Variants in KCNIP4 observed in about 807,000 individuals in gnomAD.
KCNIP4 encodes Kv channel-interacting protein 4.
In KCNIP4, 12 loss-of-function variants were observed where a neutral mutation model predicts 34.0. The ratio of observed to expected loss-of-function variants is 0.35; its 90% CI spans 0.23 to 0.57. The LOEUF (loss-of-function observed/expected upper bound fraction) is 0.57, where lower values mean the gene tolerates loss of function less well. Among genes scored for constraint, KCNIP4 ranks in the 20% least tolerant of loss-of-function variants. KCNIP4 has a pLI of 0.83. For synonymous variants in KCNIP4, 124 were observed against 102.2 expected, an observed-to-expected ratio of 1.21 and a Z score of -1.29; for missense variants, 238 against 311.7, an observed-to-expected ratio of 0.76 and a Z score of 1.78.
At chr4:21,794,360 G>C (rs1321452374) in intron 1 of KCNIP4, among the ~76,000 whole-genome samples, 1 of 151,996 alleles carries the variant, frequency 6.6e-6, no homozygotes, top group Non-Finnish European at 1.5e-5. Context: ...TCCTGTCAGG[G>C]GCCACTTACT....
chr4:21,145,159 C>T (rs1752259730), intron 1 of KCNIP4, among the ~76,000 whole-genome samples: 1 of 152,168 alleles, frequency 6.6e-6, no homozygotes, highest in African/African-American at 2.4e-5. Flanking sequence ...CCCTTCCCCG[C>T]TCTAAACTCC....
intron 1 of KCNIP4, among the ~76,000 whole-genome samples, chr4:21,720,197 C>A (rs1714705867): frequency 6.6e-6 from 1 of 151,952 alleles, no homozygotes; most frequent in Non-Finnish European, 1.5e-5. Flanking sequence ...TCTCTCTTAC[C>A]CTCAGGAAGT....
intron 1 of KCNIP4, among the ~76,000 whole-genome samples, chr4:21,775,092 T>G (rs748218941): frequency 1.2e-4 from 19 of 152,122 alleles, no homozygotes; most frequent in Non-Finnish European, 2.4e-4. Flanking sequence ...GTTTGTCTAG[T>G]TTTGGTCTTT....
chr4:21,111,017 T>C (rs1309194262), intron 1 of KCNIP4, among the ~76,000 whole-genome samples: 1 of 152,234 alleles, frequency 6.6e-6, no homozygotes, highest in Non-Finnish European at 1.5e-5. Flanking sequence ...TTTCTCTCTA[T>C]ACAAATTTAA....
Position 20,926,968 on chromosome 4 carries a change from T to C in KCNIP4, c.62-44259A>G, listed in dbSNP as rs150930765. Among the ~76,000 whole-genome samples, 36 of 152,296 alleles carry C rather than the reference T, an allele frequency of 2.4e-4. No homozygotes were observed. In the East Asian group the frequency reaches 6.7e-3, roughly 29 times the overall value. On this transcript the variant is annotated intron_variant, in intron 1 of 8. Transcript: ENST00000382152. ...ATCATGAAATCTTATTGTAATTTTCTTTCTTTCTTTCTGTTCTTTTTTTGA... is the reference window on the plus strand; with the variant it reads ...ATCATGAAATCTTATTGTAATTTTCCTTCTTTCTTTCTGTTCTTTTTTTGA...
chr4:21,231,962 C>T (rs1456183374), intron 1 of KCNIP4, among the ~76,000 whole-genome samples: 1 of 152,010 alleles, frequency 6.6e-6, no homozygotes, highest in Non-Finnish European at 1.5e-5. Flanking sequence ...GGAAGCTGGC[C>T]GATAGACAAG....
intron 1 of KCNIP4, among the ~76,000 whole-genome samples, chr4:21,636,234 T>C (rs1402488922): frequency 6.7e-6 from 1 of 150,150 alleles, no homozygotes. Context: ...GGCACATGTA[T>C]ACATATGTAA....
chr4:20,801,737 TACC>T (rs1361557631), intron 3 of KCNIP4, among the ~76,000 whole-genome samples: 1 of 151,950 alleles, frequency 6.6e-6, no homozygotes, highest in African/African-American at 2.4e-5. Context: ...CAGAAAATTA[TACC>T]ACAATGATAG....
intron 1 of KCNIP4, among the ~76,000 whole-genome samples, chr4:21,380,709 TAGATTAACTACTTAC>T: frequency 6.6e-6 from 1 of 151,876 alleles, no homozygotes; most frequent in South Asian, 2.1e-4. Flanking sequence ...TTTTTGGCTA[TAGATTAACTACTTAC>T]TACTCACCAT....
intron 1 of KCNIP4, among the ~76,000 whole-genome samples, chr4:21,237,078 G>A (rs781429585): frequency 1.3e-5 from 2 of 150,760 alleles, no homozygotes; most frequent in Admixed American, 6.6e-5. Context: ...TGTCCTTCAA[G>A]AGCATATTAT....
chr4:21,504,364 G>T (rs558598169), intron 1 of KCNIP4, among the ~76,000 whole-genome samples: 1 of 151,328 alleles, frequency 6.6e-6, no homozygotes, highest in Non-Finnish European at 1.5e-5. Flanking sequence ...GCTACTGGGG[G>T]AGCTGAGGGA....
At chr4:21,113,475 A>G (rs1749419127) in intron 1 of KCNIP4, among the ~76,000 whole-genome samples, 1 of 150,908 alleles carries the variant, frequency 6.6e-6, no homozygotes, top group Non-Finnish European at 1.5e-5. Flanking sequence ...AAAAAAAAAA[A>G]AAAAAGGAAA....
At chr4:21,389,459 C>T (rs1054071449) in intron 1 of KCNIP4, among the ~76,000 whole-genome samples, 1 of 107,330 alleles carries the variant, frequency 9.3e-6, no homozygotes, top group African/African-American at 3.6e-5. Flanking sequence ...CCCCTCCCCC[C>T]ACCCCACAAC....
chr4:21,238,179 AG>A (rs1367090602), intron 1 of KCNIP4, among the ~76,000 whole-genome samples: 45 of 152,302 alleles, frequency 3.0e-4, no homozygotes, highest in Non-Finnish European at 5.7e-4. Context: ...AAATTCAACA[AG>A]GCTTCATGCT....
intron 1 of KCNIP4, 144 bp downstream of exon 1, chr4:21,948,427 C>T: frequency 1.1e-6 from 1 of 871,558 alleles, no homozygotes; most frequent in Non-Finnish European, 1.8e-6. Flanking sequence ...CCCACCTCCC[C>T]TTCCCAGTCC....
At chr4:21,285,081 G>T (rs1201151050) in intron 1 of KCNIP4, among the ~76,000 whole-genome samples, 1 of 152,072 alleles carries the variant, frequency 6.6e-6, no homozygotes, top group Admixed American at 6.5e-5. Context: ...TTATGGCTTA[G>T]GTTGATCCAT....
intron 1 of KCNIP4, among the ~76,000 whole-genome samples, chr4:21,201,253 A>G (rs1756468432): frequency 6.6e-6 from 1 of 152,230 alleles, no homozygotes; most frequent in South Asian, 2.1e-4. Flanking sequence ...AGTGTGGCAT[A>G]AAGCTAACTC....
At chr4:21,740,165 T>C (rs1205628072) in intron 1 of KCNIP4, among the ~76,000 whole-genome samples, 1 of 152,136 alleles carries the variant, frequency 6.6e-6, no homozygotes. Context: ...TATATGTATA[T>C]ATGTATTGAC....
intron 1 of KCNIP4, among the ~76,000 whole-genome samples, chr4:20,933,482 A>G (rs1730703767): frequency 6.6e-6 from 1 of 152,174 alleles, no homozygotes; most frequent in African/African-American, 2.4e-5. Flanking sequence ...AAGGTGTTAA[A>G]TTTATGAAGG....
Sources: allele counts gnomAD v4.1 joint callset (sites outside exome capture counted in the v4.1 genomes callset), GRCh38; gene constraint gnomAD v4.1.1; transcripts MANE v1.5; gene names NCBI Gene and HGNC (gene_info 2026-07-23, HGNC 2026-07-21).